The following PCDHGA4 variants were observed in gnomAD, a reference collection of about 807,000 sequenced individuals.
The protein encoded by PCDHGA4 is protocadherin gamma subfamily A, 4.
PCDHGA4 carries 38 observed loss-of-function variants against 54.6 expected under a neutral mutation model. The observed-to-expected ratio is 0.70, with a 90% CI of 0.54 to 0.91. The LOEUF is 0.91. Among genes scored for constraint, PCDHGA4 ranks in the 40% least tolerant of loss-of-function variants. The probability of loss-of-function intolerance (pLI) is 0.00; values close to 1 mark genes in which losing one functional copy is unlikely to be tolerated. For missense variants in PCDHGA4, 1,298 were observed against 1,220.9 expected, an observed-to-expected ratio of 1.06 and a Z score of -0.94; for synonymous variants, 511 against 512.9, an observed-to-expected ratio of 1.00 and a Z score of 0.05.
At chr5:141,422,009 G>C (rs1483710075) in intron 1 of PCDHGA4, 1 of 1,609,752 alleles carries the variant, frequency 6.2e-7, no homozygotes, top group Non-Finnish European at 8.5e-7. Flanking sequence ...TCCGGAACTC[G>C]GGTGCTGATG....
chr5:141,364,866 C>A (rs749361969), intron 1 of PCDHGA4: 1 of 1,614,016 alleles, frequency 6.2e-7, no homozygotes, highest in Non-Finnish European at 8.5e-7. Context: ...CTGCACTTCT[C>A]TCTGGATGTG....
intron 1 of PCDHGA4, chr5:141,412,158 G>A (rs188069449): frequency 1.3e-5 from 2 of 152,324 alleles, no homozygotes; most frequent in East Asian, 3.9e-4. Context: ...CCTAAGAGAA[G>A]AGATTATTTA....
rs2098995125 is a variant in PCDHGA4 at position 141,460,673 on chromosome 5, A to G, written c.2515-34134A>G. 2.6e-5 allele frequency among the ~76,000 whole-genome samples: 4 copies of G among 152,244 alleles called. No homozygotes were observed. The South Asian group carries it at 8.3e-4, about 32-fold the overall frequency. On this transcript the variant is annotated intron_variant, in intron 1 of 3. Coordinates refer to ENST00000571252, the MANE Select transcript of PCDHGA4 (RefSeq NM_018917.4). ...CATATGTAACTGTAAACACAGTTAT[A>G]TATCTATATATCCACCAACAGTTGA... is the stretch of plus-strand genomic sequence containing the variant.
rs750687055 is a variant in PCDHGA4 at position 141,383,137 on chromosome 5, C to G, written c.2514+25516C>G. The G allele has an allele frequency of 2.5e-5, 40 of 1,613,994 alleles. No individual in the cohort carries two copies. In the Admixed American group the frequency reaches 3.2e-4, roughly 13 times the overall value. On this transcript the variant is annotated intron_variant, in intron 1 of 3. Transcript: ENST00000571252. Reference sequence around the variant, plus strand: ...GACGCAGCTTTTCGCCCTGAACCAGCGCAGCGGCAGCTTGGTCACTGCGGG... The same window carrying G: ...GACGCAGCTTTTCGCCCTGAACCAGGGCAGCGGCAGCTTGGTCACTGCGGG...
At chr5:141,370,664 A>G (rs1369327412) in intron 1 of PCDHGA4, 3 of 1,613,920 alleles carry the variant, frequency 1.9e-6, no homozygotes, top group South Asian at 1.1e-5. Flanking sequence ...GCGACCGTAT[A>G]GACCGAGAGG....
intron 1 of PCDHGA4, chr5:141,419,105 C>G: frequency 6.2e-7 from 1 of 1,613,918 alleles, no homozygotes; most frequent in Non-Finnish European, 8.5e-7. Context: ...GGAGCAGACC[C>G]CAGAGTACAA....
At chr5:141,394,689 G>A (rs1354749268) in intron 1 of PCDHGA4, 4 of 1,612,344 alleles carry the variant, frequency 2.5e-6, no homozygotes, top group Non-Finnish European at 3.4e-6. Flanking sequence ...CACGGGCGAG[G>A]TGCGCACGGC....
intron 1 of PCDHGA4, chr5:141,424,465 A>G (rs564844819): frequency 1.3e-5 from 2 of 152,146 alleles, no homozygotes; most frequent in Admixed American, 6.5e-5. Context: ...ATTTCCTTTT[A>G]TTCTTTTACT....
intron 1 of PCDHGA4, among the ~76,000 whole-genome samples, chr5:141,443,780 A>G (rs1337883957): frequency 6.6e-6 from 1 of 152,202 alleles, no homozygotes; most frequent in Non-Finnish European, 1.5e-5. Flanking sequence ...TACCAAAAAG[A>G]CAAAAAAAAT....
At chr5:141,402,120 T>C (rs17097267) in intron 1 of PCDHGA4, among the ~76,000 whole-genome samples, 16,890 of 152,168 alleles carry the variant, frequency 0.11, 1,101 homozygotes, top group African/African-American at 0.17. Context: ...TGTGAAAATT[T>C]CCAACTTTAA....
At chr5:141,458,727 A>G (rs1424554234) in intron 1 of PCDHGA4, among the ~76,000 whole-genome samples, 1 of 151,570 alleles carries the variant, frequency 6.6e-6, no homozygotes, top group East Asian at 1.9e-4. Flanking sequence ...TCGCCACCAC[A>G]TCCAGCTATT....
chr5:141,392,568 T>A (rs2092555063), intron 1 of PCDHGA4: 4 of 442,486 alleles, frequency 9.0e-6, no homozygotes, highest in Non-Finnish European at 1.2e-5. Context: ...CAGTAACTAT[T>A]TAGGACTGTA....
At chr5:141,449,101 G>A (rs1020443363) in intron 1 of PCDHGA4, among the ~76,000 whole-genome samples, 2 of 152,144 alleles carry the variant, frequency 1.3e-5, no homozygotes, top group African/African-American at 2.4e-5. Flanking sequence ...TACATATGCA[G>A]TATATCTTTG....
intron 1 of PCDHGA4, chr5:141,362,189 A>G (rs745893208): frequency 5.6e-6 from 9 of 1,613,796 alleles, no homozygotes; most frequent in Non-Finnish European, 3.4e-6. Context: ...TCTGACCCCC[A>G]GGCAAAACTG....
chr5:141,364,548 A>T (rs1763399502), intron 1 of PCDHGA4: 2 of 1,613,988 alleles, frequency 1.2e-6, no homozygotes. Flanking sequence ...GGTAGGACGC[A>T]GCTTTTTGCC....
chr5:141,405,195 C>T, intron 1 of PCDHGA4: 1 of 1,613,786 alleles, frequency 6.2e-7, no homozygotes. Context: ...GGGGTTCGAG[C>T]TTTCCTACAG....
intron 1 of PCDHGA4, among the ~76,000 whole-genome samples, chr5:141,472,147 G>T (rs2099272889): frequency 6.6e-6 from 1 of 152,112 alleles, no homozygotes; most frequent in South Asian, 2.1e-4. Flanking sequence ...AAAGTTTCAT[G>T]GTTACATAGC....
intron 1 of PCDHGA4, among the ~76,000 whole-genome samples, chr5:141,482,072 C>G (rs1010432509): frequency 1.5e-5 from 2 of 133,436 alleles, no homozygotes; most frequent in African/African-American, 5.9e-5. Flanking sequence ...GCAACAAGAA[C>G]AAAACTCACT....
At chr5:141,473,343 T>G (rs1309426537) in intron 1 of PCDHGA4, among the ~76,000 whole-genome samples, 1 of 152,218 alleles carries the variant, frequency 6.6e-6, no homozygotes, top group African/African-American at 2.4e-5. Context: ...TGCTAGACAG[T>G]GAGGATGCAA....
Sources: gnomAD v4.1 joint callset for allele counts (sites outside exome capture counted in the v4.1 genomes callset) on GRCh38, gnomAD v4.1.1 for gene constraint, MANE v1.5 for transcripts, NCBI Gene and HGNC (gene_info 2026-07-23, HGNC 2026-07-21) for gene names.